SLC25A13: variants seen among roughly 807,000 people sequenced by gnomAD.
SLC25A13 encodes electrogenic aspartate/glutamate antiporter SLC25A13, mitochondrial.
In SLC25A13, 70 loss-of-function variants were observed where a neutral mutation model predicts 85.5. That is an observed-to-expected ratio of 0.82 (90% confidence interval 0.68 to 1.00). SLC25A13 has a LOEUF of 1.00. Ranked by LOEUF, SLC25A13 falls within the 50% of genes least tolerant of loss-of-function variation. The pLI is 0.00. For missense variants in SLC25A13, 765 were observed against 819.8 expected (o/e 0.93, Z 0.82); for synonymous variants, 259 against 288.7 (o/e 0.90, Z 1.04).
intron 3 of SLC25A13, among the ~76,000 whole-genome samples, chr7:96,249,719 A>C (rs954592952): frequency 1.3e-5 from 2 of 152,152 alleles, no homozygotes; most frequent in African/African-American, 4.8e-5. Flanking sequence ...CAAAATTAGA[A>C]ACTGTTGGGA....
chr7:96,267,006 T>C (rs987944671), intron 3 of SLC25A13, among the ~76,000 whole-genome samples: 6 of 152,252 alleles, frequency 3.9e-5, no homozygotes, highest in Non-Finnish European at 5.9e-5. Flanking sequence ...CTATAGTTTA[T>C]GAATTTTAGA....
At chr7:96,172,352 G>T (rs1794037610) in intron 11 of SLC25A13, among the ~76,000 whole-genome samples, 1 of 152,112 alleles carries the variant, frequency 6.6e-6, no homozygotes. Context: ...GAGGTCAGGA[G>T]TTCGAGACCA....
chr7:96,227,523 A>G (rs905532650), intron 4 of SLC25A13, among the ~76,000 whole-genome samples: 1 of 152,212 alleles, frequency 6.6e-6, no homozygotes, highest in African/African-American at 2.4e-5. Flanking sequence ...ACCTAACCAG[A>G]TATGACTTAT....
chr7:96,131,947 C>A, intron 14 of SLC25A13, 66 bp from the exon 15 acceptor site: 2 of 1,606,152 alleles, frequency 1.2e-6, no homozygotes, highest in Admixed American at 1.7e-5. Context: ...TCAAGCTTCT[C>A]TGGAACTCAC....
intron 5 of SLC25A13, among the ~76,000 whole-genome samples, chr7:96,194,461 A>AAAAAAAAAAAAG (rs1562832900): frequency 1.3e-5 from 2 of 148,482 alleles, no homozygotes; most frequent in African/African-American, 2.5e-5. Context: ...AAAAAAAAAA[A>AAAAAAAAAAAAG]AAAAAAGGAA....
rs933793298 is a variant in SLC25A13, at chr7:96,301,632, G to GC, written c.16-4682_16-4681insG. 6.5e-5 allele frequency among the ~76,000 whole-genome samples: 9 copies of GC among 138,130 alleles called. No individual in the cohort carries two copies. The East Asian group carries it at 8.3e-4, about 13-fold the overall frequency. 90.6% of individuals were successfully genotyped at this position (138,130 alleles called of 152,430 possible). On this transcript the variant is annotated intron_variant, in intron 1 of 17. Coordinates refer to ENST00000265631, the MANE Select transcript of SLC25A13 (RefSeq NM_014251.3). The stretch of plus-strand genomic sequence containing the variant: ...GAAAAAGAGAGGGTTTTGGTGTTTT[G>GC]TTTTTTTTTTTTTTAGTTGGGGGTC...
chr7:96,184,842 G>T, intron 10 of SLC25A13, 85 bp downstream of exon 10: 1 of 1,164,918 alleles, frequency 8.6e-7, no homozygotes, highest in Non-Finnish European at 1.3e-6. Flanking sequence ...AGAAGACTTT[G>T]TCCTTTAACA....
At chr7:96,268,656 G>A (rs1421891880) in intron 3 of SLC25A13, among the ~76,000 whole-genome samples, 2 of 152,190 alleles carry the variant, frequency 1.3e-5, no homozygotes, top group African/African-American at 2.4e-5. Flanking sequence ...CAAGTATGCT[G>A]TTACACAGGC....
chr7:96,241,080 AAG>A (rs1796974017), intron 3 of SLC25A13, among the ~76,000 whole-genome samples: 2 of 150,276 alleles, frequency 1.3e-5, no homozygotes, highest in African/African-American at 2.4e-5. Flanking sequence ...GAAAGAAAGA[AAG>A]AAAGAAAGAA....
At chr7:96,171,587 G>T (rs1462948234) in intron 11 of SLC25A13, 63 bp from the exon 12 acceptor site, 2 of 1,400,148 alleles carry the variant, frequency 1.4e-6, no homozygotes, top group East Asian at 2.4e-5. Context: ...CAAATCAACA[G>T]TTCTACAGAG....
chr7:96,184,157 T>G, intron 11 of SLC25A13, 120 bp downstream of exon 11: 1 of 1,289,484 alleles, frequency 7.8e-7, no homozygotes, highest in Non-Finnish European at 1.1e-6. Flanking sequence ...CATGGATAAT[T>G]GAAAATCTGC....
At chr7:96,311,848 A>C (rs1457469988) in intron 1 of SLC25A13, among the ~76,000 whole-genome samples, 2 of 152,182 alleles carry the variant, frequency 1.3e-5, no homozygotes, top group African/African-American at 4.8e-5. Flanking sequence ...ACTGACCTCT[A>C]TGTTAAACAA....
At chr7:96,258,520 C>G (rs1200664232) in intron 3 of SLC25A13, among the ~76,000 whole-genome samples, 1 of 152,020 alleles carries the variant, frequency 6.6e-6, no homozygotes, top group African/African-American at 2.4e-5. Context: ...ATGTGAAGGA[C>G]CTCTTCAAGG....
At chr7:96,172,781 C>T (rs915915534) in intron 11 of SLC25A13, among the ~76,000 whole-genome samples, 8 of 151,424 alleles carry the variant, frequency 5.3e-5, no homozygotes, top group South Asian at 2.1e-4. Context: ...TTTTTTTTGA[C>T]GGAGTCTCAC....
intron 4 of SLC25A13, among the ~76,000 whole-genome samples, chr7:96,220,788 TGCACACACAAACAC>T (rs1233207237): frequency 6.6e-6 from 1 of 151,792 alleles, no homozygotes; most frequent in Non-Finnish European, 1.5e-5. Context: ...CACACACACA[TGCACACACAAACAC>T]ACAGGTGCAC....
intron 3 of SLC25A13, among the ~76,000 whole-genome samples, chr7:96,259,760 T>G (rs949118082): frequency 6.6e-6 from 1 of 152,156 alleles, no homozygotes; most frequent in African/African-American, 2.4e-5. Flanking sequence ...TGCACACGTA[T>G]GTTTATGGCA....
rs116166774 is a variant in SLC25A13, at chr7:96,164,808, G to A, written c.1311+5237C>T. Among the ~76,000 whole-genome samples the A allele has an allele frequency of 4.7e-3, 704 of 151,130 alleles. 4 individuals are homozygous for A. The highest frequency in any genetic ancestry group is 0.016 in the African/African-American group (677 of 41,100). ...AATTAGAATGGCAAGGTTTTAAAAG[G>A]AACACTTTCACTTTGTAAAATGATC... On this transcript the variant is annotated intron_variant, in intron 13 of 17. Transcript: ENST00000265631.
intron 5 of SLC25A13, among the ~76,000 whole-genome samples, chr7:96,202,773 A>T (rs79161999): frequency 0.014 from 2,181 of 152,252 alleles, 47 homozygotes; most frequent in African/African-American, 0.049. Flanking sequence ...CATATAAAGC[A>T]CTACTCTGTA....
At chr7:96,288,104 T>C (rs1353669741) in intron 2 of SLC25A13, among the ~76,000 whole-genome samples, 1 of 152,176 alleles carries the variant, frequency 6.6e-6, no homozygotes, top group Non-Finnish European at 1.5e-5. Context: ...TGGACTTTCA[T>C]CCTCCAGAAT....
Sources: allele counts gnomAD v4.1 joint callset (sites outside exome capture counted in the v4.1 genomes callset), GRCh38; gene constraint gnomAD v4.1.1; transcripts MANE v1.5; gene names NCBI Gene and HGNC (gene_info 2026-07-23, HGNC 2026-07-21).